The following NFILZ variants were observed in gnomAD, a reference collection of about 807,000 sequenced individuals.
NFILZ encodes the protein NFIL3 like basic leucine zipper, also known as NFIL3 like protein.
chr19:8,631,548 G>T (rs1488850437), intron 1 of NFILZ, among the ~76,000 whole-genome samples: 1 of 152,160 alleles, frequency 6.6e-6, no homozygotes, highest in Non-Finnish European at 1.5e-5. Context: ...GATTAGCTCA[G>T]TAGACAAACA....
chr19:8,639,588 C>G (rs1275311015), intron 3 of NFILZ, among the ~76,000 whole-genome samples: 2 of 147,544 alleles, frequency 1.4e-5, no homozygotes, highest in African/African-American at 5.1e-5. Context: ...CAGACCATCT[C>G]TTAAGAAAAT....
chr19:8,636,254 C>A (rs1339146737), intron 3 of NFILZ, among the ~76,000 whole-genome samples: 1 of 151,050 alleles, frequency 6.6e-6, no homozygotes, highest in Non-Finnish European at 1.5e-5. Context: ...TCGAGACCAG[C>A]CTGACCAACA....
intron 2 of NFILZ, among the ~76,000 whole-genome samples, chr19:8,633,961 TTC>T (rs2042883347): frequency 6.8e-6 from 1 of 146,422 alleles, no homozygotes; most frequent in African/African-American, 2.5e-5. Context: ...CCTTCTTTCC[TTC>T]TCTCTCTCTC....
intron 3 of NFILZ, among the ~76,000 whole-genome samples, chr19:8,637,736 A>G (rs1340163010): frequency 4.0e-5 from 6 of 151,222 alleles, no homozygotes; most frequent in African/African-American, 1.5e-4. Flanking sequence ...GTGAAACTCC[A>G]TCTCTACTAA....
intron 3 of NFILZ, among the ~76,000 whole-genome samples, chr19:8,647,049 C>T (rs920411274): frequency 5.9e-5 from 9 of 152,130 alleles, no homozygotes; most frequent in Non-Finnish European, 1.3e-4. Context: ...GGCAGGTACT[C>T]CTGCCTTATA....
At position 8,678,055 on chromosome 19, in the gene NFILZ, C is replaced by CAG. The variant is rs2043121224; in HGVS notation, c.*420_*421insAG. ...ATCCATCCATCCATCCATCCATCCACCCATCTATTCATCCATCCATCAATC... is the reference window on the plus strand; with the variant it reads ...ATCCATCCATCCATCCATCCATCCACAGCCATCTATTCATCCATCCATCAATC... On this transcript the variant is annotated 3_prime_UTR_variant, in exon 6 of 6. Transcript: ENST00000691075. Among the ~76,000 whole-genome samples the CAG allele has an allele frequency of 7.1e-5, 3 of 41,990 alleles. No individual in the cohort carries two copies. The highest frequency in any genetic ancestry group is 1.5e-4 in the Non-Finnish European group (3 of 20,682). The allele number at this position is 41,990 out of a possible 152,430, so 27.5% of individuals were successfully genotyped here.
chr19:8,649,931 A>G (rs1216384090), intron 3 of NFILZ, among the ~76,000 whole-genome samples: 1 of 151,920 alleles, frequency 6.6e-6, no homozygotes, highest in Non-Finnish European at 1.5e-5. Flanking sequence ...CCTGCCTAAC[A>G]TGGTGAAACC....
At position 8,646,791 on chromosome 19, in the gene NFILZ, A is replaced by G. The variant is rs143542635; in HGVS notation, c.-164+11045A>G. ...TTTGTCTGTGCTGTTCCCTCTGTCT[A>G]AAATGCCCTTCCTCTGCTGCTCCTC... On this transcript the variant is annotated intron_variant, in intron 3 of 5. Transcript: ENST00000691075. Among the ~76,000 whole-genome samples, 133 of 152,198 alleles carry G rather than the reference A, an allele frequency of 8.7e-4. 2 individuals are homozygous for G. The highest frequency in any genetic ancestry group is 3.4e-3 in the Middle Eastern group (1 of 294).
chr19:8,651,851 C>A (rs2042966120), intron 3 of NFILZ, among the ~76,000 whole-genome samples: 1 of 151,854 alleles, frequency 6.6e-6, no homozygotes, highest in Non-Finnish European at 1.5e-5. Context: ...TATTTTGGAC[C>A]CATTAAACAT....
intron 2 of NFILZ, among the ~76,000 whole-genome samples, chr19:8,635,142 T>A (rs2042889014): frequency 6.6e-6 from 1 of 151,628 alleles, no homozygotes; most frequent in African/African-American, 2.4e-5. Context: ...ACTCTCTGTC[T>A]CTACTAAAAA....
intron 3 of NFILZ, among the ~76,000 whole-genome samples, chr19:8,661,510 C>T (rs937317467): frequency 6.6e-6 from 1 of 152,078 alleles, no homozygotes; most frequent in African/African-American, 2.4e-5. Flanking sequence ...GGTTTGTTAA[C>T]GAGCCTGGTT....
At chr19:8,646,441 A>G (rs1286591939) in intron 3 of NFILZ, among the ~76,000 whole-genome samples, 3 of 152,166 alleles carry the variant, frequency 2.0e-5, no homozygotes, top group African/African-American at 7.2e-5. Context: ...GGCCAGAACC[A>G]GGATTCCTGG....
At chr19:8,666,156 G>A (rs888976296) in intron 3 of NFILZ, among the ~76,000 whole-genome samples, 1 of 151,788 alleles carries the variant, frequency 6.6e-6, no homozygotes, top group Non-Finnish European at 1.5e-5. Flanking sequence ...AAAGAGGGTT[G>A]GCAAACCACA....
At position 8,640,316 on chromosome 19, in the gene NFILZ, GTTT is replaced by G. The variant is rs71179871; in HGVS notation, c.-164+4588_-164+4590del. ...GCAAGAACCTATTGTTCCTGCTGTA[GTTT>G]TTTTTTTTTTTTTTTTTACCATTGC... On this transcript the variant is annotated intron_variant, in intron 3 of 5. Transcript: ENST00000691075. Among the ~76,000 whole-genome samples the G allele has an allele frequency of 4.8e-4, 59 of 124,196 alleles. 1 individual carries two copies. The highest frequency in any genetic ancestry group is 1.7e-3 in the Admixed American group (20 of 11,470). The allele number at this position is 124,196 out of a possible 152,430, so 81.5% of individuals were successfully genotyped here. A position where few individuals can be genotyped will look rare whatever the true frequency, so the allele number is the denominator to read the frequency against.
chr19:8,660,469 G>A (rs1555748962), intron 3 of NFILZ, among the ~76,000 whole-genome samples: 1 of 151,624 alleles, frequency 6.6e-6, no homozygotes, highest in Non-Finnish European at 1.5e-5. Context: ...TGTCTCAAAT[G>A]GCAGGATTTT....
intron 1 of NFILZ, among the ~76,000 whole-genome samples, chr19:8,632,245 A>AGTGTGTGTGTGTGTGTGTGT (rs35056229): frequency 2.8e-5 from 4 of 145,234 alleles, no homozygotes; most frequent in Admixed American, 6.9e-5. Flanking sequence ...CCCGCCATAC[A>AGTGTGTGTGTGTGTGTGTGT]GTGTGTGTGT....
At chr19:8,662,540 G>A (rs1555749242) in intron 3 of NFILZ, among the ~76,000 whole-genome samples, 1 of 152,130 alleles carries the variant, frequency 6.6e-6, no homozygotes, top group African/African-American at 2.4e-5. Flanking sequence ...GTGAGTGAGT[G>A]AGTGTGGGAG....
At chr19:8,661,862 G>T (rs2043033341) in intron 3 of NFILZ, among the ~76,000 whole-genome samples, 1 of 152,230 alleles carries the variant, frequency 6.6e-6, no homozygotes, top group Admixed American at 6.5e-5. Context: ...TCCAGCCTGG[G>T]CGACAGAGTG....
intron 3 of NFILZ, among the ~76,000 whole-genome samples, chr19:8,669,995 T>G (rs2043079438): frequency 6.6e-6 from 1 of 152,052 alleles, no homozygotes; most frequent in African/African-American, 2.4e-5. Context: ...TCTCCACGGA[T>G]GTTAAGGAAA....
Sources: allele counts gnomAD v4.1 joint callset (sites outside exome capture counted in the v4.1 genomes callset), GRCh38; gene constraint gnomAD v4.1.1; transcripts MANE v1.5; gene names NCBI Gene and HGNC (gene_info 2026-07-23, HGNC 2026-07-21).